LYPLA1: variants seen among roughly 807,000 people sequenced by gnomAD.
LYPLA1 encodes lysophospholipase 1.
A neutral mutation model predicts 34.0 loss-of-function variants in LYPLA1; 17 were observed. The ratio of observed to expected loss-of-function variants is 0.50; its 90% CI spans 0.34 to 0.75. The LOEUF (loss-of-function observed/expected upper bound fraction) is 0.75, where lower values mean the gene tolerates loss of function less well. Ranked by LOEUF, LYPLA1 falls within the 30% of genes least tolerant of loss-of-function variation. The pLI, the probability that LYPLA1 is intolerant of heterozygous loss-of-function variation, is 0.01. For synonymous variants in LYPLA1, 98 were observed against 100.8 expected (o/e 0.97, Z 0.17); for missense variants, 203 against 288.8 (o/e 0.70, Z 2.15).
intron 2 of LYPLA1, among the ~76,000 whole-genome samples, chr8:54,091,581 A>AAGACAAGGAAGG (rs1302206285): frequency 2.8e-5 from 4 of 142,270 alleles, no homozygotes; most frequent in African/African-American, 1.1e-4. Context: ...GAAAGAAAGA[A>AAGACAAGGAAGG]AAGGAAGGAA....
intron 2 of LYPLA1, chr8:54,073,213 AG>A: frequency 1.3e-6 from 1 of 797,550 alleles, no homozygotes; most frequent in Non-Finnish European, 2.3e-6. Flanking sequence ...TGTGCCGCCC[AG>A]GGAGATACAG....
chr8:54,071,517 T>G (rs1205498777), intron 2 of LYPLA1, among the ~76,000 whole-genome samples: 2 of 152,104 alleles, frequency 1.3e-5, no homozygotes, highest in Non-Finnish European at 2.9e-5. Context: ...CACACAGGAC[T>G]GAGTGCACAC....
chr8:54,084,141 AATATAT>A (rs760476706), intron 2 of LYPLA1, among the ~76,000 whole-genome samples: 2 of 118,646 alleles, frequency 1.7e-5, no homozygotes, highest in South Asian at 2.5e-4. Flanking sequence ...AAAATAAATA[AATATAT>A]ATATATATAT....
chr8:54,048,294 T>C (rs1805610386), intron 8 of LYPLA1, among the ~76,000 whole-genome samples, 176 bp from the exon 9 acceptor site: 2 of 152,230 alleles, frequency 1.3e-5, no homozygotes, highest in African/African-American at 4.8e-5. Flanking sequence ...GGACATTTCC[T>C]ATCATGATTA....
intron 2 of LYPLA1, among the ~76,000 whole-genome samples, chr8:54,074,659 T>C (rs1807757722): frequency 6.6e-6 from 1 of 152,250 alleles, no homozygotes; most frequent in African/African-American, 2.4e-5. Flanking sequence ...CAGCATTACC[T>C]GGAAAGAAGC....
intron 5 of LYPLA1, among the ~76,000 whole-genome samples, chr8:54,057,838 G>A (rs1385784324): frequency 6.6e-6 from 1 of 152,060 alleles, no homozygotes; most frequent in Non-Finnish European, 1.5e-5. Context: ...AAGGATAAAC[G>A]CTTGAGGGGA....
intron 2 of LYPLA1, among the ~76,000 whole-genome samples, chr8:54,068,147 CAT>C (rs1214584601): frequency 2.0e-5 from 3 of 151,974 alleles, no homozygotes; most frequent in Admixed American, 1.3e-4. Context: ...TGTATATGCA[CAT>C]GTGTATATGT....
chr8:54,052,852 A>G, intron 6 of LYPLA1, 96 bp from the exon 7 acceptor site: 1 of 744,522 alleles, frequency 1.3e-6, no homozygotes. Flanking sequence ...TAAAAAAATC[A>G]AACTTGGTGG....
intron 5 of LYPLA1, among the ~76,000 whole-genome samples, chr8:54,061,373 G>A (rs761975336): frequency 4.6e-5 from 7 of 152,136 alleles, no homozygotes; most frequent in African/African-American, 1.2e-4. Flanking sequence ...GAGCCACCAC[G>A]CCCGGCCGGC....
At chr8:54,092,554 A>G (rs1318535604) in intron 2 of LYPLA1, among the ~76,000 whole-genome samples, 2 of 152,150 alleles carry the variant, frequency 1.3e-5, no homozygotes, top group Non-Finnish European at 1.5e-5. Flanking sequence ...CATAACCAGG[A>G]GCTAGTTGTA....
In LYPLA1 at chr8:54,065,873, T is replaced by C. The variant is rs1807026026; in HGVS notation, c.102-60A>G. 3.7e-6 allele frequency: 4 copies of C among 1,077,270 alleles called. No individual in the cohort carries two copies. The South Asian group carries it at 5.1e-5, about 14-fold the overall frequency. The allele number at this position is 1,077,270 out of a possible 1,614,324, so 66.7% of individuals were successfully genotyped here. A position where few individuals can be genotyped will look rare whatever the true frequency, so the allele number is the denominator to read the frequency against. ...ACTGTTTTAAATCCCAGTAAGTAAGTAGCAGAAGAGTAGCTTTAAAAAATT... is the reference window on the plus strand; with the variant it reads ...ACTGTTTTAAATCCCAGTAAGTAAGCAGCAGAAGAGTAGCTTTAAAAAATT... On this transcript the variant is annotated intron_variant, in intron 2 of 8. Coordinates refer to ENST00000316963, the MANE Select transcript of LYPLA1 (RefSeq NM_006330.4).
chr8:54,085,644 C>G (rs1161734778), intron 2 of LYPLA1, among the ~76,000 whole-genome samples: 2 of 139,562 alleles, frequency 1.4e-5, no homozygotes, highest in East Asian at 2.2e-4. Context: ...CGTCTGGGAA[C>G]TGAGGAGTGT....
intron 2 of LYPLA1, among the ~76,000 whole-genome samples, chr8:54,082,769 C>G (rs1414005126): frequency 2.0e-5 from 3 of 152,166 alleles, no homozygotes; most frequent in Admixed American, 6.5e-5. Context: ...CTCTCTTGCC[C>G]AGGCTAGAGT....
intron 5 of LYPLA1, among the ~76,000 whole-genome samples, chr8:54,059,016 G>C (rs550585141): frequency 5.5e-4 from 83 of 152,242 alleles, no homozygotes; most frequent in African/African-American, 1.9e-3. Context: ...GGAATTTTCA[G>C]AGAGGAAAGA....
chr8:54,083,142 C>T (rs56087054), intron 2 of LYPLA1, among the ~76,000 whole-genome samples: 1 of 152,014 alleles, frequency 6.6e-6, no homozygotes, highest in Non-Finnish European at 1.5e-5. Flanking sequence ...TGCACATATA[C>T]TGTTAAATTA....
At chr8:54,062,523 A>T (rs578011374) in intron 4 of LYPLA1, among the ~76,000 whole-genome samples, 199 bp from the exon 5 acceptor site, 55 of 150,468 alleles carry the variant, frequency 3.7e-4, no homozygotes, top group East Asian at 9.7e-4. Flanking sequence ...TTATTTATTT[A>T]TTTTTTGAGA....
At chr8:54,097,254 T>A (rs1416208292) in intron 2 of LYPLA1, among the ~76,000 whole-genome samples, 1 of 152,118 alleles carries the variant, frequency 6.6e-6, no homozygotes, top group Non-Finnish European at 1.5e-5. Flanking sequence ...AGTCTACTGA[T>A]GCGCGCAATG....
intron 5 of LYPLA1, among the ~76,000 whole-genome samples, chr8:54,060,309 G>A (rs1010425564): frequency 6.6e-6 from 1 of 152,022 alleles, no homozygotes; most frequent in Non-Finnish European, 1.5e-5. Flanking sequence ...ATTTATAATA[G>A]AGACGGGGTT....
intron 2 of LYPLA1, among the ~76,000 whole-genome samples, chr8:54,068,453 C>G (rs963428234): frequency 6.6e-6 from 1 of 152,166 alleles, no homozygotes; most frequent in East Asian, 1.9e-4. Context: ...ACTCACACTT[C>G]TTAATCTCAA....
Sources: gnomAD v4.1 joint callset for allele counts (sites outside exome capture counted in the v4.1 genomes callset) on GRCh38, gnomAD v4.1.1 for gene constraint, MANE v1.5 for transcripts, NCBI Gene and HGNC (gene_info 2026-07-23, HGNC 2026-07-21) for gene names.